The following NRXN3 variants were observed in gnomAD, a reference collection of about 807,000 sequenced individuals.
The protein encoded by NRXN3 is neurexin 3.
In NRXN3, 32 loss-of-function variants were observed where a neutral mutation model predicts 137.6. The ratio of observed to expected loss-of-function variants is 0.23; its 90% confidence interval spans 0.18 to 0.31. The LOEUF (loss-of-function observed/expected upper bound fraction) is 0.31, where lower values mean the gene tolerates loss of function less well. Ranked by LOEUF, NRXN3 falls within the 10% of genes least tolerant of loss-of-function variation. The pLI, the probability that NRXN3 is intolerant of heterozygous loss-of-function variation, is 1.00. For missense variants in NRXN3, 1,574 were observed against 2,062.5 expected, an observed-to-expected ratio of 0.76 and a Z score of 4.59; for synonymous variants, 798 against 784.5, an observed-to-expected ratio of 1.02 and a Z score of -0.29.
At chr14:79,807,367 T>TCA (rs1317745166) in intron 20 of NRXN3, among the ~76,000 whole-genome samples, 9 of 152,130 alleles carry the variant, frequency 5.9e-5, no homozygotes, top group African/African-American at 2.2e-4. Flanking sequence ...CCTCAACTAC[T>TCA]CACCCTGCCT....
chr14:78,933,077 C>T (rs1223916758), intron 10 of NRXN3, among the ~76,000 whole-genome samples: 1 of 152,070 alleles, frequency 6.6e-6, no homozygotes, highest in Non-Finnish European at 1.5e-5. Flanking sequence ...GCTGATGATG[C>T]CCAATGCTTG....
intron 20 of NRXN3, among the ~76,000 whole-genome samples, chr14:79,858,749 A>G (rs995106452): frequency 3.3e-5 from 5 of 151,918 alleles, no homozygotes; most frequent in Non-Finnish European, 4.4e-5. Context: ...CTCTCTCATC[A>G]CTGCTCTCCT....
intron 15 of NRXN3, among the ~76,000 whole-genome samples, chr14:79,120,679 A>T (rs143202572): frequency 3.0e-3 from 454 of 152,204 alleles, no homozygotes; most frequent in South Asian, 0.017. Context: ...AATTTTTTAT[A>T]TTATTCACCT....
intron 16 of NRXN3, among the ~76,000 whole-genome samples, chr14:79,495,084 T>C (rs1287175278): frequency 6.6e-6 from 1 of 152,200 alleles, no homozygotes; most frequent in Non-Finnish European, 1.5e-5. Flanking sequence ...GATATTTTAC[T>C]ACTTTGGGCT....
intron 16 of NRXN3, among the ~76,000 whole-genome samples, chr14:79,552,178 A>G (rs1004890453): frequency 2.0e-5 from 3 of 152,206 alleles, no homozygotes; most frequent in African/African-American, 7.2e-5. Context: ...ATTAACTATA[A>G]GACAAGAGAA....
intron 10 of NRXN3, among the ~76,000 whole-genome samples, chr14:78,855,015 T>A (rs933300871): frequency 6.6e-6 from 1 of 151,962 alleles, no homozygotes; most frequent in Admixed American, 6.6e-5. Context: ...AATACAAAAA[T>A]TAGCTGAGTG....
intron 15 of NRXN3, among the ~76,000 whole-genome samples, chr14:79,040,798 C>T (rs1000114013): frequency 6.6e-6 from 1 of 152,136 alleles, no homozygotes; most frequent in African/African-American, 2.4e-5. Flanking sequence ...CCTCCTAATG[C>T]GCATGTGGGC....
intron 4 of NRXN3, among the ~76,000 whole-genome samples, chr14:78,585,811 T>G (rs998102008): frequency 1.3e-5 from 2 of 152,172 alleles, no homozygotes; most frequent in Non-Finnish European, 2.9e-5. Flanking sequence ...TGGACTTGCA[T>G]TTCCGTGTCT....
intron 2 of NRXN3, among the ~76,000 whole-genome samples, chr14:78,248,316 C>G (rs1270236114): frequency 9.2e-6 from 1 of 108,318 alleles, no homozygotes; most frequent in Non-Finnish European, 2.1e-5. Context: ...CCCCCCCCCC[C>G]ACCCGCCACC....
chr14:79,761,724 A>C lies in NRXN3; in HGVS notation c.4015-43388A>C, dbSNP rs1308596322. ...AAAAAAAAAAATAGATCTCACTAGA[A>C]GTATTCTCAATTCAGCAGTAGTGTC... On this transcript the variant is annotated intron_variant, in intron 19 of 20. Transcript: ENST00000335750. Among the ~76,000 whole-genome samples, 2 of 151,064 alleles carry C rather than the reference A, an allele frequency of 1.3e-5. 1 individual carries two copies. Among genetic ancestry groups the C allele is most frequent in the African/African-American group, 4.9e-5 (2 of 40,678 alleles).
intron 10 of NRXN3, among the ~76,000 whole-genome samples, chr14:78,892,739 A>ATG (rs2152707753): frequency 6.7e-6 from 1 of 150,028 alleles, no homozygotes; most frequent in South Asian, 2.1e-4. Context: ...ACAGCAGGCA[A>ATG]CTTAATTTCA....
rs184805280 is a variant in NRXN3, at chr14:78,357,287, T to C, written c.757+59427T>C. ...AACTTGTGCGGGCAAACTCCCTTTT[T>C]ATTTTTAAACCATCGGATCTCACGA... is the stretch of plus-strand genomic sequence containing the variant. On this transcript the variant is annotated intron_variant, in intron 4 of 20. Coordinates refer to ENST00000335750, the MANE Select transcript of NRXN3 (RefSeq NM_001330195.2). Among the ~76,000 whole-genome samples, 17 of 152,274 alleles carry C rather than the reference T, an allele frequency of 1.1e-4. No individual in the cohort carries two copies. In the East Asian group the frequency reaches 3.1e-3, roughly 28 times the overall value.
chr14:78,524,949 G>T lies in NRXN3; in HGVS notation c.758-120171G>T, dbSNP rs375879464. Among the ~76,000 whole-genome samples the T allele has an allele frequency of 4.6e-4, 70 of 152,200 alleles. 1 individual carries two copies. The South Asian group carries it at 7.9e-3, about 17-fold the overall frequency. On this transcript the variant is annotated intron_variant, in intron 4 of 20. Coordinates refer to ENST00000335750, the MANE Select transcript of NRXN3 (RefSeq NM_001330195.2). ...ATTCCAATAAGTGCCTTTTCTTTCC[G>T]TTTGCATTCTGTGCGTAGCTAATCC... is the stretch of plus-strand genomic sequence containing the variant.
At chr14:78,789,938 A>T (rs1339168439) in intron 8 of NRXN3, among the ~76,000 whole-genome samples, 1 of 152,054 alleles carries the variant, frequency 6.6e-6, no homozygotes, top group Non-Finnish European at 1.5e-5. Context: ...TACAACACCC[A>T]CTTGCTATAT....
intron 10 of NRXN3, among the ~76,000 whole-genome samples, chr14:78,885,453 CCAAA>C (rs780383952): frequency 5.9e-5 from 9 of 151,928 alleles, no homozygotes; most frequent in Non-Finnish European, 7.4e-5. Flanking sequence ...ATTTTAACCG[CCAAA>C]CAAATTGCAT....
chr14:78,225,126 G>A (rs2153429408), intron 1 of NRXN3, among the ~76,000 whole-genome samples: 1 of 152,290 alleles, frequency 6.6e-6, no homozygotes, highest in Admixed American at 6.5e-5. Context: ...GTAATGGGAT[G>A]GCTTGGTCAA....
At chr14:79,107,122 A>G (rs2052592269) in intron 15 of NRXN3, among the ~76,000 whole-genome samples, 1 of 152,198 alleles carries the variant, frequency 6.6e-6, no homozygotes, top group African/African-American at 2.4e-5. Flanking sequence ...TATGCTAATT[A>G]TAGCTTATAA....
chr14:78,916,202 A>G (rs182414341), intron 10 of NRXN3, among the ~76,000 whole-genome samples: 31 of 152,302 alleles, frequency 2.0e-4, no homozygotes, highest in Non-Finnish European at 3.1e-4. Flanking sequence ...TGGAATGGGT[A>G]TAAATTAAAG....
In NRXN3 at chr14:78,966,206, G is replaced by C; in HGVS notation, c.2577G>C (p.Leu859=). ...ATGGTGACATTGATTATTGTGAGCTGAAGGCTCGTTTTGGACTGAGGAACA... is the reference window on the plus strand; with the variant it reads ...ATGGTGACATTGATTATTGTGAGCTCAAGGCTCGTTTTGGACTGAGGAACA... ...CKNGDIDYCE[L]KARFGLRNII... Residue 859 remains leucine, a synonymous_variant, in exon 12 of 21, where the codon CTG becomes CTC. Transcript: ENST00000335750. 5.0e-6 allele frequency: 8 copies of C among 1,614,190 alleles called. No individual in the cohort carries two copies. Among genetic ancestry groups the C allele is most frequent in the Non-Finnish European group, 6.8e-6 (8 of 1,180,040 alleles).
Sources: allele counts gnomAD v4.1 joint callset (sites outside exome capture counted in the v4.1 genomes callset), GRCh38; gene constraint gnomAD v4.1.1; transcripts MANE v1.5; gene names NCBI Gene and HGNC (gene_info 2026-07-23, HGNC 2026-07-21).